NPAS2: variants seen among roughly 807,000 people sequenced by gnomAD.
NPAS2 encodes neuronal PAS domain protein 2.
Under a neutral mutation model 107.5 loss-of-function variants are expected in NPAS2, and 23 were observed. The ratio of observed to expected loss-of-function variants is 0.21; its 90% confidence interval spans 0.15 to 0.30. The LOEUF (loss-of-function observed/expected upper bound fraction) is 0.30. Among genes scored for constraint, NPAS2 ranks in the 10% least tolerant of loss-of-function variants. NPAS2 has a pLI of 1.00. For missense variants in NPAS2, 756 were observed against 1,043.3 expected (o/e 0.72, Z 3.79); for synonymous variants, 403 against 417.5 (o/e 0.97, Z 0.42).
At position 100,862,056 on chromosome 2, in the gene NPAS2, A is replaced by C. The variant is rs192325412; in HGVS notation, c.-23+41642A>C. Among the ~76,000 whole-genome samples, 14 of 152,330 alleles carry C rather than the reference A, an allele frequency of 9.2e-5. No homozygotes were observed. In the East Asian group the frequency reaches 1.5e-3, roughly 17 times the overall value. On this transcript the variant is annotated intron_variant, in intron 1 of 20. Coordinates refer to ENST00000335681, the MANE Select transcript of NPAS2 (RefSeq NM_002518.4). ...AAAAAATACATTATGTCAAAATTAA[A>C]ATTGATAAGGGGTAATTAAAAATAG...
chr2:100,873,948 T>C (rs1265544145), intron 1 of NPAS2, among the ~76,000 whole-genome samples: 2 of 152,164 alleles, frequency 1.3e-5, no homozygotes, highest in East Asian at 3.9e-4. Flanking sequence ...TTTGTTCAGC[T>C]GGCAGTTTTA....
intron 1 of NPAS2, among the ~76,000 whole-genome samples, chr2:100,875,237 T>A (rs1431516434): frequency 6.6e-6 from 1 of 152,066 alleles, no homozygotes; most frequent in African/African-American, 2.4e-5. Context: ...AGTTGTCAGA[T>A]TCCTAGATAC....
At chr2:100,849,200 C>T (rs1233105557) in intron 1 of NPAS2, among the ~76,000 whole-genome samples, 2 of 152,208 alleles carry the variant, frequency 1.3e-5, no homozygotes, top group Non-Finnish European at 2.9e-5. Context: ...AGTCTAAAGT[C>T]AGCTCTCTCT....
chr2:100,904,801 T>TCC lies in NPAS2; in HGVS notation c.32+19_32+20dup. 6.3e-7 allele frequency: 1 copy of TCC among 1,589,922 alleles called. No homozygotes were observed. On this transcript the variant is annotated intron_variant, in intron 2 of 20. Transcript: ENST00000335681. The stretch of plus-strand genomic sequence containing the variant: ...AGAGCCAAGAGGTAAGATGCAGCTG[T>TCC]CCCCCTGCTCAGCAGAGCTCTCTGG...
chr2:100,915,426 A>G (rs1682823688), intron 2 of NPAS2, among the ~76,000 whole-genome samples: 1 of 152,200 alleles, frequency 6.6e-6, no homozygotes, highest in Admixed American at 6.5e-5. Flanking sequence ...GGAGGTGCTC[A>G]GGAAAGTGAC....
intron 1 of NPAS2, among the ~76,000 whole-genome samples, chr2:100,862,895 T>A (rs1243610307): frequency 6.6e-6 from 1 of 152,216 alleles, no homozygotes; most frequent in Admixed American, 6.5e-5. Flanking sequence ...GTGACCCTCT[T>A]CTTACCCTGC....
At chr2:100,925,828 A>G (rs1034766789) in intron 3 of NPAS2, among the ~76,000 whole-genome samples, 1 of 152,238 alleles carries the variant, frequency 6.6e-6, no homozygotes, top group African/African-American at 2.4e-5. Flanking sequence ...TCACCATTTT[A>G]AAGTGTAGAG....
chr2:100,923,895 G>C (rs79320559), intron 2 of NPAS2, among the ~76,000 whole-genome samples: 1 of 152,044 alleles, frequency 6.6e-6, no homozygotes, highest in African/African-American at 2.4e-5. Context: ...TTTGCATCAC[G>C]TGTTCCTTGT....
In NPAS2 at chr2:100,907,522, A is replaced by C. The variant is rs1006832360; in HGVS notation, c.32+2736A>C. Among the ~76,000 whole-genome samples the C allele has an allele frequency of 2.8e-4, 42 of 149,668 alleles. 1 individual carries two copies. The highest frequency in any genetic ancestry group is 1.6e-3 in the East Asian group (8 of 5,132). ...CACACACACACACACACACACACAC[A>C]CCCCTAAGATCGTATTCTTTTCAAA... On this transcript the variant is annotated intron_variant, in intron 2 of 20. Coordinates refer to ENST00000335681, the MANE Select transcript of NPAS2 (RefSeq NM_002518.4).
intron 1 of NPAS2, among the ~76,000 whole-genome samples, chr2:100,865,451 T>C (rs978251031): frequency 6.6e-6 from 1 of 152,180 alleles, no homozygotes; most frequent in African/African-American, 2.4e-5. Flanking sequence ...CTGCCTGCAC[T>C]GTTGACCTTT....
chr2:100,902,688 A>G (rs774661414), intron 1 of NPAS2, among the ~76,000 whole-genome samples: 17 of 152,246 alleles, frequency 1.1e-4, no homozygotes, highest in Non-Finnish European at 2.1e-4. Context: ...GGCACTCAGC[A>G]GTGGTTAAGA....
intron 2 of NPAS2, among the ~76,000 whole-genome samples, chr2:100,915,255 C>T (rs1374099015): frequency 6.6e-6 from 1 of 152,146 alleles, no homozygotes; most frequent in Non-Finnish European, 1.5e-5. Flanking sequence ...AACCCTGCTG[C>T]TTTCTTCCCC....
chr2:100,991,229 C>T (rs749982896), intron 19 of NPAS2, among the ~76,000 whole-genome samples: 1 of 152,204 alleles, frequency 6.6e-6, no homozygotes, highest in Non-Finnish European at 1.5e-5. Context: ...TGACATGCCG[C>T]AGGCACACTT....
chr2:100,823,549 A>T (rs1176337404), intron 1 of NPAS2: 2 of 152,312 alleles, frequency 1.3e-5, no homozygotes, highest in Middle Eastern at 6.8e-3. Context: ...CTTGTCAAAC[A>T]CAGATTCTAA....
At chr2:100,845,298 T>G (rs1677705829) in intron 1 of NPAS2, among the ~76,000 whole-genome samples, 1 of 152,180 alleles carries the variant, frequency 6.6e-6, no homozygotes, top group African/African-American at 2.4e-5. Context: ...AGGTCTGACT[T>G]CTTCCAAGTC....
At chr2:100,879,541 T>C (rs1230250834) in intron 1 of NPAS2, among the ~76,000 whole-genome samples, 1 of 152,138 alleles carries the variant, frequency 6.6e-6, no homozygotes. Context: ...CACTATTTTC[T>C]TCTCTTATCT....
chr2:100,923,625 C>T (rs17717319), intron 2 of NPAS2, among the ~76,000 whole-genome samples: 23,611 of 152,080 alleles, frequency 0.16, 2,513 homozygotes, highest in Non-Finnish European at 0.23. Context: ...GATTTGCTCC[C>T]CTGAGAACCA....
chr2:100,884,446 C>T (rs190240383), intron 1 of NPAS2, among the ~76,000 whole-genome samples: 4 of 152,356 alleles, frequency 2.6e-5, no homozygotes, highest in African/African-American at 9.6e-5. Context: ...GCCCCACCAT[C>T]TCTGATACGG....
At chr2:100,970,678 A>G (rs918901107) in intron 11 of NPAS2, 3 of 258,180 alleles carry the variant, frequency 1.2e-5, no homozygotes. Context: ...ATAGACGAAA[A>G]TGTGTTTTTT....
Sources: allele counts gnomAD v4.1 joint callset (sites outside exome capture counted in the v4.1 genomes callset), GRCh38; gene constraint gnomAD v4.1.1; transcripts MANE v1.5; gene names NCBI Gene and HGNC (gene_info 2026-07-23, HGNC 2026-07-21).